Variants in KSR2 observed in about 807,000 individuals in gnomAD.
KSR2 encodes kinase suppressor of ras 2.
Under a neutral mutation model 107.8 loss-of-function variants are expected in KSR2, and 25 were observed. That is an observed-to-expected ratio of 0.23 (90% CI 0.17 to 0.32). The LOEUF (loss-of-function observed/expected upper bound fraction) is 0.32, where lower values mean the gene tolerates loss of function less well. KSR2 is among the 10% of genes least tolerant of loss of function. The pLI is 1.00. For synonymous variants in KSR2, 480 were observed against 507.0 expected, an observed-to-expected ratio of 0.95 and a Z score of 0.71; for missense variants, 887 against 1,268.9, an observed-to-expected ratio of 0.70 and a Z score of 4.57.
chr12:117,660,733 T>G (rs1018228158), intron 5 of KSR2, among the ~76,000 whole-genome samples: 2 of 152,160 alleles, frequency 1.3e-5, no homozygotes, highest in Non-Finnish European at 2.9e-5. Flanking sequence ...GGTTGAAAAC[T>G]CCTTTGAAAC....
chr12:117,555,118 C>T, intron 9 of KSR2, 51 bp downstream of exon 9: 3 of 1,611,860 alleles, frequency 1.9e-6, no homozygotes, highest in Non-Finnish European at 2.5e-6. Flanking sequence ...CTACCCCTCA[C>T]CCAGCAGTGC....
intron 14 of KSR2, among the ~76,000 whole-genome samples, chr12:117,502,696 A>G (rs963252064): frequency 6.6e-6 from 1 of 152,156 alleles, no homozygotes; most frequent in Non-Finnish European, 1.5e-5. Context: ...AAGTTGTTTT[A>G]AAAAAGAAAA....
chr12:117,580,268 C>T (rs982304619), intron 6 of KSR2, among the ~76,000 whole-genome samples: 5 of 152,190 alleles, frequency 3.3e-5, no homozygotes, highest in African/African-American at 1.2e-4. Flanking sequence ...ACACTTACTG[C>T]CAAGAAAACT....
chr12:117,583,508 G>A (rs998981039), intron 5 of KSR2, among the ~76,000 whole-genome samples: 3 of 151,950 alleles, frequency 2.0e-5, no homozygotes, highest in Non-Finnish European at 4.4e-5. Context: ...CAGGTGGGTG[G>A]GTGGATGCAT....
chr12:117,625,196 C>A (rs574850330), intron 5 of KSR2, among the ~76,000 whole-genome samples: 1 of 142,582 alleles, frequency 7.0e-6, no homozygotes, highest in South Asian at 2.4e-4. Context: ...CCCTTTATTT[C>A]TTTCTCTTGC....
chr12:117,717,712 T>TGTGC (rs1209120329), intron 4 of KSR2, among the ~76,000 whole-genome samples: 1 of 137,176 alleles, frequency 7.3e-6, no homozygotes, highest in East Asian at 2.2e-4. Context: ...TGTGTGTGTG[T>TGTGC]GCATGCGCGC....
chr12:117,716,104 G>C (rs1263503665), intron 4 of KSR2, among the ~76,000 whole-genome samples: 1 of 152,146 alleles, frequency 6.6e-6, no homozygotes, highest in Non-Finnish European at 1.5e-5. Flanking sequence ...ATAGCACCTG[G>C]AACACTTTGA....
At chr12:117,956,025 C>A (rs778783556) in intron 1 of KSR2, among the ~76,000 whole-genome samples, 2 of 150,454 alleles carry the variant, frequency 1.3e-5, no homozygotes, top group African/African-American at 4.9e-5. Context: ...CCGAGACGGG[C>A]GGATCATGAG....
intron 1 of KSR2, among the ~76,000 whole-genome samples, chr12:117,922,894 T>TATCA (rs1895385164): frequency 6.6e-6 from 1 of 152,196 alleles, no homozygotes; most frequent in Non-Finnish European, 1.5e-5. Flanking sequence ...GTAACCCCAA[T>TATCA]ATCAATACAC....
chr12:117,656,986 AT>A (rs769858804), intron 5 of KSR2, among the ~76,000 whole-genome samples: 5,636 of 28,520 alleles, frequency 0.2, 232 homozygotes, highest in Admixed American at 0.37. Flanking sequence ...AATAGGATAT[AT>A]ATATATATAT....
intron 4 of KSR2, among the ~76,000 whole-genome samples, chr12:117,711,882 C>T (rs1308107124): frequency 1.3e-5 from 2 of 152,158 alleles, no homozygotes; most frequent in African/African-American, 4.8e-5. Context: ...TGAAGAGTTG[C>T]CCCAGAAGTG....
At chr12:117,921,550 T>A (rs1761399131) in intron 1 of KSR2, among the ~76,000 whole-genome samples, 1 of 152,110 alleles carries the variant, frequency 6.6e-6, no homozygotes, top group South Asian at 2.1e-4. Context: ...ACACACAGGC[T>A]TTGGAGTCAA....
intron 5 of KSR2, among the ~76,000 whole-genome samples, chr12:117,590,247 A>G (rs1880242306): frequency 6.6e-6 from 1 of 152,218 alleles, no homozygotes; most frequent in Non-Finnish European, 1.5e-5. Context: ...CAAGACCTTG[A>G]GTGTGGACCT....
intron 5 of KSR2, among the ~76,000 whole-genome samples, chr12:117,593,431 T>C (rs1880440719): frequency 1.3e-5 from 2 of 152,366 alleles, no homozygotes; most frequent in South Asian, 4.1e-4. Context: ...GCCTGGAATC[T>C]GCAAGTTGGG....
chr12:117,666,125 A>C (rs527341233), intron 5 of KSR2, among the ~76,000 whole-genome samples: 1 of 152,280 alleles, frequency 6.6e-6, no homozygotes, highest in East Asian at 1.9e-4. Flanking sequence ...GCACCAAGAC[A>C]AGGCAGTCTC....
At position 117,786,848 on chromosome 12, in the gene KSR2, G is replaced by T. The variant is rs549959868; in HGVS notation, c.473-25324C>A. Among the ~76,000 whole-genome samples, 8 of 151,962 alleles carry T rather than the reference G, an allele frequency of 5.3e-5. No homozygotes were observed. The Middle Eastern group carries it at 0.01, about 194-fold the overall frequency. On this transcript the variant is annotated intron_variant, in intron 3 of 19. Transcript: ENST00000339824. ...AGTTCGAGACCAGCCTGATCAACATGGAGAAACCCTGTCTCTACTAAAAAT... is the reference window on the plus strand; with the variant it reads ...AGTTCGAGACCAGCCTGATCAACATTGAGAAACCCTGTCTCTACTAAAAAT...
intron 5 of KSR2, among the ~76,000 whole-genome samples, chr12:117,663,396 A>G (rs1884519804): frequency 6.6e-6 from 1 of 152,344 alleles, no homozygotes; most frequent in Admixed American, 6.5e-5. Context: ...AAATGAAATA[A>G]TAAAAGTGAA....
chr12:117,481,419 G>C (rs1872170064), intron 16 of KSR2, among the ~76,000 whole-genome samples: 1 of 152,168 alleles, frequency 6.6e-6, no homozygotes. Context: ...AAGAAGAGGA[G>C]AGACATCAGA....
Position 117,962,147 on chromosome 12 carries a change from T to TA in KSR2, c.180+5928dup, listed in dbSNP as rs36119176. ...GTGACAGAGCAAGACCCTGTCTCTT[T>TA]AAAAAAAAAAAAAAAAAAAAAGCTA... is the stretch of plus-strand genomic sequence containing the variant. On this transcript the variant is annotated intron_variant, in intron 1 of 19. Transcript: ENST00000339824. Among the ~76,000 whole-genome samples, 1,569 of 112,424 alleles carry TA rather than the reference T, an allele frequency of 0.014. 61 individuals are homozygous for TA. In the East Asian group the frequency reaches 0.15, roughly 11 times the overall value. 73.8% of individuals were successfully genotyped at this position (112,424 alleles called of 152,430 possible).
Sources: gnomAD v4.1 joint callset for allele counts (sites outside exome capture counted in the v4.1 genomes callset) on GRCh38, gnomAD v4.1.1 for gene constraint, MANE v1.5 for transcripts, NCBI Gene and HGNC (gene_info 2026-07-23, HGNC 2026-07-21) for gene names.